The following ZDHHC20 variants were observed in gnomAD, a reference collection of about 807,000 sequenced individuals.
The protein encoded by ZDHHC20 is palmitoyltransferase ZDHHC20.
Under a neutral mutation model 57.8 loss-of-function variants are expected in ZDHHC20, and 43 were observed. The ratio of observed to expected loss-of-function variants is 0.74; its 90% CI spans 0.58 to 0.96. ZDHHC20 has a LOEUF of 0.96. ZDHHC20 is among the 40% of genes least tolerant of loss of function. The pLI is 0.00. For missense variants in ZDHHC20, 391 were observed against 441.1 expected, an observed-to-expected ratio of 0.89 and a Z score of 1.02; for synonymous variants, 157 against 153.0, an observed-to-expected ratio of 1.03 and a Z score of -0.19.
At chr13:21,378,121 C>A (rs1181685729) in intron 12 of ZDHHC20, among the ~76,000 whole-genome samples, 1 of 152,058 alleles carries the variant, frequency 6.6e-6, no homozygotes, top group Admixed American at 6.6e-5. Context: ...TGGCTCATTG[C>A]AGCCTCGACC....
Position 21,444,928 on chromosome 13 carries a change from C to T in ZDHHC20, c.118+14126G>A, listed in dbSNP as rs547490439. Among the ~76,000 whole-genome samples, 18 of 151,954 alleles carry T rather than the reference C, an allele frequency of 1.2e-4. No individual in the cohort carries two copies. In the East Asian group the frequency reaches 3.1e-3, roughly 26 times the overall value. Reference sequence around the variant, plus strand: ...AAAATTGGCCGGCCATGGTGTTATGCGCCTGTAGTCCCAGCTACTCAGGAG... The same window carrying T: ...AAAATTGGCCGGCCATGGTGTTATGTGCCTGTAGTCCCAGCTACTCAGGAG... On this transcript the variant is annotated intron_variant, in intron 1 of 12. Coordinates refer to ENST00000400590, the MANE Select transcript of ZDHHC20 (RefSeq NM_001330059.2).
intron 1 of ZDHHC20, among the ~76,000 whole-genome samples, chr13:21,455,897 A>G (rs1884885979): frequency 6.6e-6 from 1 of 152,152 alleles, no homozygotes; most frequent in Admixed American, 6.5e-5. Flanking sequence ...CACCAAATAG[A>G]TTAGTCATTA....
Position 21,430,499 on chromosome 13 carries a change from GAA to G in ZDHHC20, c.119-4823_119-4822del, listed in dbSNP as rs569117036. 2.5e-3 allele frequency among the ~76,000 whole-genome samples: 377 copies of G among 152,072 alleles called. 1 individual carries two copies. Among genetic ancestry groups the G allele is most frequent in the African/African-American group, 8.8e-3 (365 of 41,498 alleles). ...ATACTATCCCAGCAGGAATACTGGGGAAGAGACACAGGAGGGGGGTCTTGTTA... is the reference window on the plus strand; with the variant it reads ...ATACTATCCCAGCAGGAATACTGGGGGAGACACAGGAGGGGGGTCTTGTTA... On this transcript the variant is annotated intron_variant, in intron 1 of 12. Coordinates refer to ENST00000400590, the MANE Select transcript of ZDHHC20 (RefSeq NM_001330059.2).
At chr13:21,416,808 C>T (rs1167674560) in intron 3 of ZDHHC20, among the ~76,000 whole-genome samples, 1 of 152,090 alleles carries the variant, frequency 6.6e-6, no homozygotes, top group Non-Finnish European at 1.5e-5. Context: ...ATATTCAGCT[C>T]AATACACTGC....
At chr13:21,398,479 G>T (rs1458217091) in intron 7 of ZDHHC20, among the ~76,000 whole-genome samples, 1 of 149,562 alleles carries the variant, frequency 6.7e-6, no homozygotes, top group Non-Finnish European at 1.5e-5. Flanking sequence ...AAAAAAAAAG[G>T]AAAGAAACAT....
At chr13:21,446,853 G>A (rs1883754167) in intron 1 of ZDHHC20, among the ~76,000 whole-genome samples, 1 of 152,078 alleles carries the variant, frequency 6.6e-6, no homozygotes. Flanking sequence ...ATAGAAAATA[G>A]ATTTCTTAAG....
chr13:21,382,534 C>T (rs1873610855), intron 10 of ZDHHC20, among the ~76,000 whole-genome samples: 2 of 151,940 alleles, frequency 1.3e-5, no homozygotes. Flanking sequence ...TAAAATTTAT[C>T]AAAATAAAAT....
chr13:21,410,169 T>G (rs1879014886), intron 4 of ZDHHC20, among the ~76,000 whole-genome samples: 2 of 152,312 alleles, frequency 1.3e-5, no homozygotes, highest in African/African-American at 4.8e-5. Flanking sequence ...TGGAGTTTGC[T>G]GGAAGTCCAC....
At chr13:21,387,974 T>C (rs1455448029) in intron 8 of ZDHHC20, among the ~76,000 whole-genome samples, 10 of 152,176 alleles carry the variant, frequency 6.6e-5, no homozygotes, top group Admixed American at 1.3e-4. Context: ...AATTTCCTAC[T>C]ATGTTCCTGA....
At chr13:21,446,787 GTGA>G (rs1011762988) in intron 1 of ZDHHC20, among the ~76,000 whole-genome samples, 10 of 152,142 alleles carry the variant, frequency 6.6e-5, no homozygotes, top group African/African-American at 2.4e-4. Context: ...ATCCCACATG[GTGA>G]TGATGTGGAG....
At chr13:21,399,097 C>T (rs1877247420) in intron 7 of ZDHHC20, among the ~76,000 whole-genome samples, 1 of 152,182 alleles carries the variant, frequency 6.6e-6, no homozygotes, top group Non-Finnish European at 1.5e-5. Context: ...AATCCCAGCA[C>T]TTTGGGAGGC....
intron 1 of ZDHHC20, among the ~76,000 whole-genome samples, chr13:21,426,278 C>G (rs557015104): frequency 1.3e-5 from 2 of 152,308 alleles, no homozygotes; most frequent in African/African-American, 4.8e-5. Flanking sequence ...GTCTACCAAG[C>G]CTGAAACCCT....
chr13:21,386,141 C>T (rs1007239618), intron 9 of ZDHHC20, among the ~76,000 whole-genome samples: 3 of 152,036 alleles, frequency 2.0e-5, no homozygotes, highest in East Asian at 3.9e-4. Flanking sequence ...CAAAAGAGAT[C>T]GATGAACTTG....
chr13:21,427,252 C>A (rs2137934920), intron 1 of ZDHHC20, among the ~76,000 whole-genome samples: 1 of 152,036 alleles, frequency 6.6e-6, no homozygotes, highest in East Asian at 1.9e-4. Context: ...TAGTAACAAC[C>A]CTGCAAGTTA....
At chr13:21,407,704 C>A (rs927665534) in intron 4 of ZDHHC20, among the ~76,000 whole-genome samples, 3 of 152,186 alleles carry the variant, frequency 2.0e-5, no homozygotes, top group African/African-American at 7.2e-5. Flanking sequence ...ATGCATATAT[C>A]CTGAATGGTG....
intron 4 of ZDHHC20, among the ~76,000 whole-genome samples, chr13:21,407,036 T>G (rs1364509902): frequency 6.6e-6 from 1 of 152,118 alleles, no homozygotes; most frequent in Non-Finnish European, 1.5e-5. Context: ...TCACCCAGGC[T>G]GGAGTGCAGT....
intron 1 of ZDHHC20, among the ~76,000 whole-genome samples, chr13:21,432,265 A>G (rs1270476202): frequency 6.6e-6 from 1 of 151,918 alleles, no homozygotes; most frequent in African/African-American, 2.4e-5. Flanking sequence ...TCCTGGTTCA[A>G]GCCATTTTCC....
At chr13:21,407,589 T>G (rs1878628049) in intron 4 of ZDHHC20, among the ~76,000 whole-genome samples, 1 of 152,212 alleles carries the variant, frequency 6.6e-6, no homozygotes, top group Admixed American at 6.5e-5. Flanking sequence ...TTCACTCTGA[T>G]GATAGTTTCT....
At chr13:21,378,225 T>C (rs1264966712) in intron 12 of ZDHHC20, among the ~76,000 whole-genome samples, 1 of 152,080 alleles carries the variant, frequency 6.6e-6, no homozygotes, top group Non-Finnish European at 1.5e-5. Context: ...TTTTTATTTT[T>C]TGTCGAGATG....
Sources: gnomAD v4.1 joint callset for allele counts (sites outside exome capture counted in the v4.1 genomes callset) on GRCh38, gnomAD v4.1.1 for gene constraint, MANE v1.5 for transcripts, NCBI Gene and HGNC (gene_info 2026-07-23, HGNC 2026-07-21) for gene names.